The following ZNF197 variants were observed in gnomAD, a reference collection of about 807,000 sequenced individuals.
ZNF197 encodes the protein VHL-associated KRAB-A domain-containing protein.
Under a neutral mutation model 27.4 loss-of-function variants are expected in ZNF197, and 14 were observed. The ratio of observed to expected loss-of-function variants is 0.51; its 90% confidence interval spans 0.34 to 0.80. The LOEUF (loss-of-function observed/expected upper bound fraction) is 0.80. Among genes scored for constraint, ZNF197 ranks in the 30% least tolerant of loss-of-function variants. The probability of loss-of-function intolerance (pLI) is 0.02; values close to 1 mark genes in which losing one functional copy is unlikely to be tolerated. For synonymous variants in ZNF197, 415 were observed against 420.0 expected, an observed-to-expected ratio of 0.99 and a Z score of 0.15; for missense variants, 1,090 against 1,222.6, an observed-to-expected ratio of 0.89 and a Z score of 1.62.
chr3:44,625,771 C>G (rs1329295782), intron 1 of ZNF197, among the ~76,000 whole-genome samples: 1 of 152,108 alleles, frequency 6.6e-6, no homozygotes, highest in Non-Finnish European at 1.5e-5. Flanking sequence ...CACACACACA[C>G]ACACACACAC....
chr3:44,642,006 C>A lies in ZNF197; in HGVS notation c.876C>A (p.Pro292=). The A allele has an allele frequency of 6.2e-7, 1 of 1,613,870 alleles. No homozygotes were observed. Among genetic ancestry groups the A allele is most frequent in the Middle Eastern group, 1.6e-4 (1 of 6,062 alleles). ...CAAAAAGACTTCAAGGAAGTGTTCC[C>A]CAGGTCCTTGATTTTGAAGAAGAGT... ...GTSKRLQGSV[P]QVLDFEEECE... The change falls in exon 6 of 6, where the codon CCC becomes CCA. Residue 292 remains proline (P), a synonymous_variant. Coordinates refer to ENST00000344387, the MANE Select transcript of ZNF197 (RefSeq NM_006991.5).
In ZNF197 at chr3:44,644,473, T is replaced by A; in HGVS notation, c.*253T>A. On this transcript the variant is annotated 3_prime_UTR_variant, in exon 6 of 6. Coordinates refer to ENST00000344387, the MANE Select transcript of ZNF197 (RefSeq NM_006991.5). ...GACCAACATGGTGAAACCCCATCTC[T>A]ACTAAAATACAAAAATTATCCGGGC... 1.1e-6 allele frequency: 1 copy of A among 910,998 alleles called. No individual in the cohort carries two copies. The highest frequency in any genetic ancestry group is 3.5e-5 in the South Asian group (1 of 28,542). The allele number at this position is 910,998 out of a possible 1,614,324, so 56.4% of individuals were successfully genotyped here.
At position 44,644,174 on chromosome 3, in the gene ZNF197, G is replaced by A; in HGVS notation, c.3044G>A (p.Trp1015Ter). The change falls in exon 6 of 6, where the codon TGG (tryptophan) becomes TAG (stop). Residue 1015 changes from tryptophan (W) to a stop codon, truncating the protein, a stop_gained. Coordinates refer to ENST00000344387, the MANE Select transcript of ZNF197 (RefSeq NM_006991.5). LOFTEE classifies it high-confidence loss of function. The stretch of plus-strand genomic sequence containing the variant: ...ATCCATACCATTGAGGAATTCTCTT[G>A]GCTACAAAACACCAATGAGTCCAAG... ...QKIHTIEEFS[W>*]LQNTNESKIE... The A allele has an allele frequency of 1.2e-6, 2 of 1,611,296 alleles. No homozygotes were observed. Among genetic ancestry groups the A allele is most frequent in the Non-Finnish European group, 1.7e-6 (2 of 1,179,148 alleles).
rs1231657731 is a variant in ZNF197 at position 44,644,620 on chromosome 3, CAA to C, written c.*401_*402del. 1.2e-5 allele frequency: 12 copies of C among 989,190 alleles called. No individual in the cohort carries two copies. The highest frequency in any genetic ancestry group is 1.7e-5 in the African/African-American group (1 of 57,484). The allele number at this position is 989,190 out of a possible 1,614,324, so 61.3% of individuals were successfully genotyped here. On this transcript the variant is annotated 3_prime_UTR_variant, in exon 6 of 6. Coordinates refer to ENST00000344387, the MANE Select transcript of ZNF197 (RefSeq NM_006991.5). ...CGCCATTGCACTCCAGCCTGGGCAA[CAA>C]GAGCGAAACTCTTGTCTGAAAAAAT...
chr3:44,626,386 C>G (rs1701662069), intron 1 of ZNF197, among the ~76,000 whole-genome samples: 1 of 151,308 alleles, frequency 6.6e-6, no homozygotes, highest in Admixed American at 6.6e-5. Context: ...TGGTACAGTA[C>G]CCAGAAGTCG....
chr3:44,642,734 A>G lies in ZNF197; in HGVS notation c.1604A>G (p.Glu535Gly), dbSNP rs1226777939. The G allele has an allele frequency of 1.2e-6, 2 of 1,613,844 alleles. No individual in the cohort carries two copies. Among genetic ancestry groups the G allele is most frequent in the East Asian group, 2.2e-5 (1 of 44,868 alleles). ...LILHQRIHSG[E>G]KPYKCDECGK... ...CTGCACCAGAGAATCCACTCTGGGGAAAAACCCTATAAATGTGATGAATGT... is the reference window on the plus strand; with the variant it reads ...CTGCACCAGAGAATCCACTCTGGGGGAAAACCCTATAAATGTGATGAATGT... Residue 535 changes from glutamate (E) to glycine (G), a missense_variant, in exon 6 of 6, where the codon GAA becomes GGA. By Grantham distance (98) the Glu-to-Gly change is moderately conservative. Coordinates refer to ENST00000344387, the MANE Select transcript of ZNF197 (RefSeq NM_006991.5).
intron 5 of ZNF197, among the ~76,000 whole-genome samples, chr3:44,635,631 T>C (rs1575476610): frequency 6.6e-6 from 1 of 152,218 alleles, no homozygotes; most frequent in South Asian, 2.1e-4. Context: ...TATATGTTTA[T>C]TTAGGAGATT....
intron 1 of ZNF197, among the ~76,000 whole-genome samples, chr3:44,628,693 A>C (rs981112095): frequency 1.3e-5 from 2 of 152,188 alleles, no homozygotes; most frequent in Non-Finnish European, 2.9e-5. Flanking sequence ...TAAGGTAGGA[A>C]CTGTTACTAT....
rs202099639 is a variant in ZNF197, at chr3:44,642,189, C to T, written c.1059C>T (p.Phe353=). 4.7e-5 allele frequency: 76 copies of T among 1,614,088 alleles called. No individual in the cohort carries two copies. In the Middle Eastern group the frequency reaches 9.9e-4, roughly 21 times the overall value. Residue 353 remains phenylalanine, a synonymous_variant, in exon 6 of 6, where the codon TTC becomes TTT. Transcript: ENST00000344387. ...AGGAATTAGGAGACAGCTTGACTTT[C>T]GGTTCAGCTATTTCTGAAAGTTTAA... The part of the protein sequence containing the change: ...KWKELGDSLT[F]GSAISESLIG...
In ZNF197 at chr3:44,629,523, C is replaced by T. The variant is rs927067005; in HGVS notation, c.369C>T (p.Asp123=). The T allele has an allele frequency of 1.9e-6, 3 of 1,568,208 alleles. No homozygotes were observed. Among genetic ancestry groups the T allele is most frequent in the African/African-American group, 2.7e-5 (2 of 73,352 alleles). ...AVALVEELQK[D]LDGPAIQVPV... is the part of the protein sequence containing the mutation. The stretch of plus-strand genomic sequence containing the variant: ...CCCTGGTAGAGGAGCTGCAGAAAGA[C>T]CTTGATGGACCAGCAATACAAGTGA... Residue 123 remains aspartate (D), a synonymous_variant, in exon 2 of 6, where the codon GAC becomes GAT. Transcript: ENST00000344387.
chr3:44,642,668 A>T lies in ZNF197; in HGVS notation c.1538A>T (p.Asn513Ile), dbSNP rs560022507. The T allele has an allele frequency of 1.2e-6, 2 of 1,614,090 alleles. No homozygotes were observed. Among genetic ancestry groups the T allele is most frequent in the Admixed American group, 3.3e-5 (2 of 60,018 alleles). The change falls in exon 6 of 6, where the codon AAT becomes ATT. Residue 513 changes from asparagine (N) to isoleucine (I), a missense_variant. Coordinates refer to ENST00000344387, the MANE Select transcript of ZNF197 (RefSeq NM_006991.5). ...AAAGGGGAAGAACCTTATAAATGTA[A>T]TAAGTGTCAGAAAGCTTTCATTCTG... is the stretch of plus-strand genomic sequence containing the variant. Reference protein sequence around the residue: ...LHKGEEPYKCNKCQKAFILKK... With the variant: ...LHKGEEPYKCIKCQKAFILKK...
chr3:44,642,732 G>T lies in ZNF197; in HGVS notation c.1602G>T (p.Gly534=). Residue 534 remains glycine, a synonymous_variant, in exon 6 of 6, where the codon GGG becomes GGT. Coordinates refer to ENST00000344387, the MANE Select transcript of ZNF197 (RefSeq NM_006991.5). ...TTCTGCACCAGAGAATCCACTCTGG[G>T]GAAAAACCCTATAAATGTGATGAAT... ...SLILHQRIHS[G]EKPYKCDECG... The T allele has an allele frequency of 6.2e-7, 1 of 1,613,486 alleles. No homozygotes were observed. Among genetic ancestry groups the T allele is most frequent in the Non-Finnish European group, 8.5e-7 (1 of 1,179,934 alleles).
intron 1 of ZNF197, among the ~76,000 whole-genome samples, chr3:44,628,657 T>C (rs1157964309): frequency 6.6e-6 from 1 of 152,226 alleles, no homozygotes; most frequent in African/African-American, 2.4e-5. Flanking sequence ...AAATGTATTA[T>C]ACATCAAATT....
In ZNF197 at chr3:44,625,750, G is replaced by GCACACA. The variant is rs56833441; in HGVS notation, c.-82+639_-82+644dup. ...AATGCTGGCCTTTGCGCGCGCGCGC[G>GCACACA]CACACACACACACACACACACACAC... On this transcript the variant is annotated intron_variant, in intron 1 of 5. Transcript: ENST00000344387. Among the ~76,000 whole-genome samples, 231 of 149,058 alleles carry GCACACA rather than the reference G, an allele frequency of 1.5e-3. 2 individuals carry two copies. Among genetic ancestry groups the GCACACA allele is most frequent in the African/African-American group, 5.1e-3 (206 of 40,170 alleles).
In ZNF197 at chr3:44,644,446, C is replaced by G. The variant is rs1352758799; in HGVS notation, c.*226C>G. On this transcript the variant is annotated 3_prime_UTR_variant, in exon 6 of 6. Coordinates refer to ENST00000344387, the MANE Select transcript of ZNF197 (RefSeq NM_006991.5). ...CTGAGGTCAGGATTTTGAGACCAGC[C>G]TGACCAACATGGTGAAACCCCATCT... is the stretch of plus-strand genomic sequence containing the variant. The G allele has an allele frequency of 1.5e-5, 16 of 1,088,478 alleles. No individual in the cohort carries two copies. Among genetic ancestry groups the G allele is most frequent in the Non-Finnish European group, 1.8e-5 (15 of 851,604 alleles). 67.4% of individuals were successfully genotyped at this position (1,088,478 alleles called of 1,614,324 possible).
At position 44,642,096 on chromosome 3, in the gene ZNF197, G is replaced by A; in HGVS notation, c.966G>A (p.Lys322=). 3.7e-6 allele frequency: 6 copies of A among 1,614,082 alleles called. No individual in the cohort carries two copies. Among genetic ancestry groups the A allele is most frequent in the Non-Finnish European group, 5.1e-6 (6 of 1,179,988 alleles). The change falls in exon 6 of 6, where the codon AAG becomes AAA. Residue 322 remains lysine, a synonymous_variant. Coordinates refer to ENST00000344387, the MANE Select transcript of ZNF197 (RefSeq NM_006991.5). The part of the protein sequence containing the change: ...NETDERADTV[K]KVSLCERDKK... The stretch of plus-strand genomic sequence containing the variant: ...CAGATGAAAGGGCAGATACAGTGAA[G>A]AAAGTTTCCCTTTGTGAACGAGACA...
chr3:44,632,079 A>T, intron 3 of ZNF197, 26 bp from the exon 4 acceptor site: 1 of 1,609,530 alleles, frequency 6.2e-7, no homozygotes, highest in Non-Finnish European at 8.5e-7. Context: ...TGTAGGTCCC[A>T]TATGCAGCTT....
At chr3:44,638,071 A>T (rs1366983598) in intron 5 of ZNF197, among the ~76,000 whole-genome samples, 2 of 152,156 alleles carry the variant, frequency 1.3e-5, no homozygotes, top group South Asian at 4.1e-4. Context: ...TCAATGTTAA[A>T]TCTTTTAATC....
intron 5 of ZNF197, among the ~76,000 whole-genome samples, chr3:44,637,953 T>C (rs78561004): frequency 0.034 from 5,142 of 152,314 alleles, 121 homozygotes; most frequent in Non-Finnish European, 0.055. Context: ...CTCTTGACTT[T>C]CCATCTAATT....
Sources: gnomAD v4.1 joint callset for allele counts (sites outside exome capture counted in the v4.1 genomes callset) on GRCh38, gnomAD v4.1.1 for gene constraint, MANE v1.5 for transcripts, NCBI Gene and HGNC (gene_info 2026-07-23, HGNC 2026-07-21) for gene names.